DSCAM: variants seen among roughly 807,000 people sequenced by gnomAD.
DSCAM encodes the protein cell adhesion molecule DSCAM.
A neutral mutation model predicts 217.7 loss-of-function variants in DSCAM; 47 were observed. That is an observed-to-expected ratio of 0.22 (90% CI 0.17 to 0.28). The LOEUF (loss-of-function observed/expected upper bound fraction) is 0.28, where lower values mean the gene tolerates loss of function less well. Among genes scored for constraint, DSCAM ranks in the 10% least tolerant of loss-of-function variants. DSCAM has a pLI of 1.00. For missense variants in DSCAM, 2,080 were observed against 2,618.3 expected (o/e 0.79, Z 4.49); for synonymous variants, 1,056 against 1,015.3 (o/e 1.04, Z -0.76).
intron 23 of DSCAM, among the ~76,000 whole-genome samples, chr21:40,084,716 T>C (rs1245862230): frequency 2.0e-5 from 3 of 152,148 alleles, no homozygotes; most frequent in Non-Finnish European, 4.4e-5. Flanking sequence ...AAGCTTCATA[T>C]AAAATTCCCT....
chr21:40,718,959 AC>A (rs1455165295), intron 1 of DSCAM, among the ~76,000 whole-genome samples: 1 of 151,978 alleles, frequency 6.6e-6, no homozygotes, highest in Non-Finnish European at 1.5e-5. Flanking sequence ...GACTCTCTCT[AC>A]CAAAAATTAG....
intron 11 of DSCAM, among the ~76,000 whole-genome samples, chr21:40,203,228 A>T (rs771756915): frequency 6.6e-6 from 1 of 152,266 alleles, no homozygotes; most frequent in Non-Finnish European, 1.5e-5. Flanking sequence ...GTAAAATACC[A>T]TCAACCTTTC....
chr21:40,515,071 C>G (rs976415116), intron 3 of DSCAM, among the ~76,000 whole-genome samples: 1 of 152,138 alleles, frequency 6.6e-6, no homozygotes, highest in Non-Finnish European at 1.5e-5. Context: ...AAGGCTACTT[C>G]TTATTTCAGA....
At chr21:40,462,372 G>A (rs2075812899) in intron 3 of DSCAM, among the ~76,000 whole-genome samples, 1 of 152,166 alleles carries the variant, frequency 6.6e-6, no homozygotes, top group Non-Finnish European at 1.5e-5. Flanking sequence ...TTAGAGCCAT[G>A]GCTAACACTC....
chr21:40,382,677 C>A (rs147586711), intron 3 of DSCAM, among the ~76,000 whole-genome samples: 1 of 152,310 alleles, frequency 6.6e-6, no homozygotes, highest in Non-Finnish European at 1.5e-5. Flanking sequence ...GTCACTCCCA[C>A]TCCACTGCCT....
chr21:40,532,920 G>A (rs554137210), intron 3 of DSCAM, among the ~76,000 whole-genome samples: 61 of 144,080 alleles, frequency 4.2e-4, no homozygotes, highest in African/African-American at 1.4e-3. Context: ...GCACACGCAC[G>A]CGCATGTGCG....
chr21:40,048,059 T>C (rs2088870606), intron 30 of DSCAM, among the ~76,000 whole-genome samples: 1 of 152,194 alleles, frequency 6.6e-6, no homozygotes, highest in Non-Finnish European at 1.5e-5. Context: ...GGCTGGAAGT[T>C]CATATTCACT....
At chr21:40,297,302 A>T (rs1282211375) in intron 9 of DSCAM, among the ~76,000 whole-genome samples, 1 of 152,220 alleles carries the variant, frequency 6.6e-6, no homozygotes, top group African/African-American at 2.4e-5. Flanking sequence ...GGATTTTAAT[A>T]TGTATCACAT....
chr21:40,563,658 G>A (rs866194838), intron 3 of DSCAM, among the ~76,000 whole-genome samples: 3 of 116,254 alleles, frequency 2.6e-5, no homozygotes, highest in South Asian at 2.8e-4. Context: ...ATATGTTTAT[G>A]TTTGTTTATA....
chr21:40,121,342 GAAAT>G (rs1047173747), intron 20 of DSCAM, among the ~76,000 whole-genome samples: 1 of 152,160 alleles, frequency 6.6e-6, no homozygotes, highest in Admixed American at 6.5e-5. Context: ...CCTCTGAAGA[GAAAT>G]AATTGTCTCT....
At chr21:40,506,509 A>G (rs2076211471) in intron 3 of DSCAM, among the ~76,000 whole-genome samples, 1 of 152,242 alleles carries the variant, frequency 6.6e-6, no homozygotes, top group Non-Finnish European at 1.5e-5. Flanking sequence ...GGCTTAATTC[A>G]GATATAAAGT....
chr21:40,506,399 C>T (rs1044689939), intron 3 of DSCAM, among the ~76,000 whole-genome samples: 1 of 152,248 alleles, frequency 6.6e-6, no homozygotes, highest in African/African-American at 2.4e-5. Context: ...CCCGGACTCA[C>T]TGACTTCACG....
At chr21:40,586,777 C>T (rs2076950112) in intron 3 of DSCAM, among the ~76,000 whole-genome samples, 1 of 152,172 alleles carries the variant, frequency 6.6e-6, no homozygotes, top group Non-Finnish European at 1.5e-5. Flanking sequence ...CCTGCCATGT[C>T]AATACTTACG....
At position 40,062,861 on chromosome 21, in the gene DSCAM, G is replaced by C. The variant is rs1322392033; in HGVS notation, c.4919+8C>G. 1.3e-6 allele frequency: 2 copies of C among 1,591,544 alleles called. No individual in the cohort carries two copies. Among genetic ancestry groups the C allele is most frequent in the East Asian group, 2.3e-5 (1 of 43,088 alleles). The stretch of plus-strand genomic sequence containing the variant: ...CATGATATCTGGGGTGCTAGGTCTT[G>C]TTCTTACCTCATGAGCATTTCAGCT... On this transcript the variant is annotated splice_region_variant and intron_variant, in intron 28 of 32. Transcript: ENST00000400454.
chr21:40,102,182 C>T (rs2146612222), intron 20 of DSCAM, among the ~76,000 whole-genome samples: 1 of 152,270 alleles, frequency 6.6e-6, no homozygotes, highest in South Asian at 2.1e-4. Context: ...CTAAAACCAA[C>T]CCTGTCATAG....
At chr21:40,135,712 T>C (rs539988194) in intron 18 of DSCAM, among the ~76,000 whole-genome samples, 3 of 152,366 alleles carry the variant, frequency 2.0e-5, no homozygotes, top group African/African-American at 7.2e-5. Context: ...ATTTTGTGTG[T>C]CCAGGATATT....
At chr21:40,487,619 G>T (rs2076041159) in intron 3 of DSCAM, among the ~76,000 whole-genome samples, 1 of 152,296 alleles carries the variant, frequency 6.6e-6, no homozygotes, top group African/African-American at 2.4e-5. Context: ...CAGCATAACT[G>T]CAGGGTGGGG....
intron 1 of DSCAM, among the ~76,000 whole-genome samples, chr21:40,809,505 T>C (rs976853735): frequency 4.6e-5 from 7 of 152,198 alleles, no homozygotes; most frequent in Non-Finnish European, 5.9e-5. Context: ...TCCTACGTTA[T>C]GTAAATTATC....
intron 11 of DSCAM, among the ~76,000 whole-genome samples, chr21:40,257,395 A>T (rs2073387172): frequency 6.6e-6 from 1 of 151,352 alleles, no homozygotes; most frequent in African/African-American, 2.4e-5. Context: ...TTTTCCCTGA[A>T]TATTTTTTAT....
Sources: gnomAD v4.1 joint callset for allele counts (sites outside exome capture counted in the v4.1 genomes callset) on GRCh38, gnomAD v4.1.1 for gene constraint, MANE v1.5 for transcripts, NCBI Gene and HGNC (gene_info 2026-07-23, HGNC 2026-07-21) for gene names.